Variants in ATP2B2 observed in about 807,000 individuals in gnomAD.
ATP2B2 encodes the protein plasma membrane calcium-transporting ATPase 2.
ATP2B2 carries 15 observed loss-of-function variants against 120.0 expected under a neutral mutation model. The ratio of observed to expected loss-of-function variants is 0.12; its 90% CI spans 0.08 to 0.19. ATP2B2 has a LOEUF of 0.19. Among genes scored for constraint, ATP2B2 ranks in the 10% least tolerant of loss-of-function variants. ATP2B2 has a pLI of 1.00. For missense variants in ATP2B2, 1,045 were observed against 1,719.8 expected (o/e 0.61, Z 6.94); for synonymous variants, 694 against 700.3 (o/e 0.99, Z 0.14).
intron 3 of ATP2B2, among the ~76,000 whole-genome samples, chr3:10,526,976 C>T (rs1354258020): frequency 1.3e-5 from 2 of 152,146 alleles, no homozygotes; most frequent in African/African-American, 4.8e-5. Flanking sequence ...CAAGCTAGGT[C>T]CTATTATTAT....
chr3:10,477,478 A>G (rs1231336352), intron 1 of ATP2B2, among the ~76,000 whole-genome samples: 1 of 152,194 alleles, frequency 6.6e-6, no homozygotes, highest in Admixed American at 6.5e-5. Flanking sequence ...TTGCACAACC[A>G]TCTCCACAAC....
chr3:10,479,914 A>C (rs761251779), intron 1 of ATP2B2, among the ~76,000 whole-genome samples: 7 of 152,100 alleles, frequency 4.6e-5, no homozygotes, highest in Non-Finnish European at 7.4e-5. Flanking sequence ...AACATGACAA[A>C]ATCTTGTCTC....
intron 12 of ATP2B2, among the ~76,000 whole-genome samples, chr3:10,362,134 C>T (rs990354726): frequency 2.0e-5 from 3 of 152,210 alleles, no homozygotes; most frequent in African/African-American, 4.8e-5. Flanking sequence ...ATTCTGAAGA[C>T]GAAATAGCTA....
intron 1 of ATP2B2, among the ~76,000 whole-genome samples, chr3:10,465,708 T>G (rs1394128895): frequency 6.6e-6 from 1 of 152,242 alleles, no homozygotes; most frequent in Non-Finnish European, 1.5e-5. Context: ...TCAAATCAGG[T>G]CTTCACTACT....
intron 18 of ATP2B2, 96 bp downstream of exon 18, chr3:10,345,288 C>T: frequency 1.4e-6 from 2 of 1,427,604 alleles, no homozygotes; most frequent in Non-Finnish European, 1.9e-6. Flanking sequence ...CCCGGCTGTT[C>T]TGACAGGGAC....
At chr3:10,534,888 C>CATTT (rs1363685629) in intron 2 of ATP2B2, among the ~76,000 whole-genome samples, 7 of 141,190 alleles carry the variant, frequency 5.0e-5, no homozygotes, top group Non-Finnish European at 9.2e-5. Flanking sequence ...TCCATTTATT[C>CATTT]ATTTATTTGG....
intron 11 of ATP2B2, among the ~76,000 whole-genome samples, chr3:10,372,408 T>A (rs1019696759): frequency 2.0e-5 from 3 of 152,220 alleles, no homozygotes; most frequent in African/African-American, 7.2e-5. Context: ...TCTTATAGAC[T>A]AACATAAGTA....
intron 10 of ATP2B2, among the ~76,000 whole-genome samples, chr3:10,377,922 A>G (rs2061424341): frequency 6.6e-6 from 1 of 152,160 alleles, no homozygotes; most frequent in African/African-American, 2.4e-5. Flanking sequence ...GACAACTATT[A>G]TCCTCATTTT....
chr3:10,551,571 T>C (rs2125513787), intron 2 of ATP2B2, among the ~76,000 whole-genome samples: 1 of 152,364 alleles, frequency 6.6e-6, no homozygotes, highest in African/African-American at 2.4e-5. Context: ...TGTAAACATA[T>C]TTCTATTCTA....
chr3:10,513,618 G>T (rs983845295), intron 3 of ATP2B2, among the ~76,000 whole-genome samples: 1 of 152,182 alleles, frequency 6.6e-6, no homozygotes, highest in Non-Finnish European at 1.5e-5. Context: ...GTGATCTGGG[G>T]TGGACTCCGA....
chr3:10,611,069 T>A (rs894119932), intron 2 of ATP2B2, among the ~76,000 whole-genome samples: 1 of 152,156 alleles, frequency 6.6e-6, no homozygotes, highest in African/African-American at 2.4e-5. Flanking sequence ...CAGGGGTGTC[T>A]CCATAGATCA....
chr3:10,382,312 A>C (rs1321484995), intron 8 of ATP2B2, among the ~76,000 whole-genome samples: 3 of 143,958 alleles, frequency 2.1e-5, no homozygotes, highest in Non-Finnish European at 4.5e-5. Context: ...TTGGGATTAT[A>C]GGCATGAAGC....
At chr3:10,652,111 T>C (rs999788430) in intron 1 of ATP2B2, among the ~76,000 whole-genome samples, 1 of 152,188 alleles carries the variant, frequency 6.6e-6, no homozygotes, top group Non-Finnish European at 1.5e-5. Flanking sequence ...AATGGGGCTA[T>C]TTTTTGTGGC....
intron 3 of ATP2B2, among the ~76,000 whole-genome samples, chr3:10,403,968 A>G (rs1267296425): frequency 6.6e-6 from 1 of 152,240 alleles, no homozygotes; most frequent in African/African-American, 2.4e-5. Context: ...GGAACAGAGA[A>G]CAGAAGCTTC....
chr3:10,425,617 C>A (rs958379758), intron 2 of ATP2B2, among the ~76,000 whole-genome samples: 2 of 152,152 alleles, frequency 1.3e-5, no homozygotes, highest in African/African-American at 4.8e-5. Context: ...TCAATGTGTA[C>A]CCCCATCATC....
At chr3:10,539,639 A>T (rs994889281) in intron 2 of ATP2B2, among the ~76,000 whole-genome samples, 1 of 152,188 alleles carries the variant, frequency 6.6e-6, no homozygotes, top group Non-Finnish European at 1.5e-5. Context: ...TTTAATAAAT[A>T]GTGCTGGGAA....
intron 1 of ATP2B2, among the ~76,000 whole-genome samples, chr3:10,697,007 T>C (rs1201785030): frequency 6.6e-6 from 1 of 152,196 alleles, no homozygotes; most frequent in Non-Finnish European, 1.5e-5. Context: ...ATTTTACAGA[T>C]GGAAAATTGA....
At chr3:10,596,523 T>C (rs758133140) in intron 2 of ATP2B2, among the ~76,000 whole-genome samples, 2 of 152,224 alleles carry the variant, frequency 1.3e-5, no homozygotes, top group African/African-American at 2.4e-5. Flanking sequence ...TCTTAGAACA[T>C]TTTTAGTAGC....
chr3:10,634,018 T>A (rs892609), intron 1 of ATP2B2, among the ~76,000 whole-genome samples: 1 of 152,018 alleles, frequency 6.6e-6, no homozygotes, highest in Admixed American at 6.6e-5. Context: ...GAGAGAGAGA[T>A]GCACAAGGAG....
Sources: allele counts gnomAD v4.1 joint callset (sites outside exome capture counted in the v4.1 genomes callset), GRCh38; gene constraint gnomAD v4.1.1; transcripts MANE v1.5; gene names NCBI Gene and HGNC (gene_info 2026-07-23, HGNC 2026-07-21).